The following WDR3 variants were observed in gnomAD, a reference collection of about 807,000 sequenced individuals.
The protein encoded by WDR3 is WD repeat-containing protein 3.
Under a neutral mutation model 123.7 loss-of-function variants are expected in WDR3, and 81 were observed. The observed-to-expected ratio is 0.65, with a 90% CI of 0.55 to 0.79. WDR3 has a LOEUF of 0.79. Ranked by LOEUF, WDR3 falls within the 30% of genes least tolerant of loss-of-function variation. The probability of loss-of-function intolerance (pLI) is 0.00; values close to 1 mark genes in which losing one functional copy is unlikely to be tolerated. For synonymous variants in WDR3, 390 were observed against 388.8 expected (o/e 1.00, Z -0.04); for missense variants, 1,027 against 1,123.2 (o/e 0.91, Z 1.22).
chr1:117,933,410 C>T lies in WDR3; in HGVS notation c.91C>T (p.Leu31Phe), dbSNP rs1650804583. The T allele has an allele frequency of 3.1e-6, 5 of 1,614,172 alleles. No homozygotes were observed. Among genetic ancestry groups the T allele is most frequent in the African/African-American group, 1.3e-5 (1 of 75,044 alleles). The change falls in exon 2 of 27, where the codon CTT (leucine) becomes TTT (phenylalanine). Residue 31 changes from leucine to phenylalanine, a missense_variant. Leu to Phe is a conservative substitution (Grantham distance 22). Coordinates refer to ENST00000349139, the MANE Select transcript of WDR3 (RefSeq NM_006784.3). The stretch of plus-strand genomic sequence containing the variant: ...AAAAGGTAATATTGTCTTTGTGACA[C>T]TTCGTGGTGAGAAAGGACGTTATGT... ...SQKGNIVFVTLRGEKGRYVAV... is the reference protein window; with the variant it reads ...SQKGNIVFVTFRGEKGRYVAV...
intron 6 of WDR3, 87 bp from the exon 7 acceptor site, chr1:117,940,740 C>T (rs1194166347): frequency 8.0e-7 from 1 of 1,249,370 alleles, no homozygotes; most frequent in South Asian, 1.4e-5. Context: ...ACAACAACAA[C>T]AACAACAACA....
chr1:117,949,686 T>C, intron 13 of WDR3, 65 bp from the exon 14 acceptor site: 13 of 1,537,502 alleles, frequency 8.5e-6, no homozygotes, highest in Non-Finnish European at 1.2e-5. Context: ...ACTTTTAAAA[T>C]GTATCTTCAT....
chr1:117,941,468 C>T (rs1651168495), intron 8 of WDR3, among the ~76,000 whole-genome samples: 1 of 152,066 alleles, frequency 6.6e-6, no homozygotes, highest in African/African-American at 2.4e-5. Context: ...ATTGCAATTA[C>T]TTTTGTACCA....
At chr1:117,950,605 T>G (rs1292440054) in intron 15 of WDR3, among the ~76,000 whole-genome samples, 1 of 152,134 alleles carries the variant, frequency 6.6e-6, no homozygotes, top group Non-Finnish European at 1.5e-5. Flanking sequence ...GCAGTAAGCT[T>G]CTGGGGGCTT....
Position 117,964,078 on chromosome 1 carries a change from C to A in WDR3, c.*4631C>A. 6 of 911,752 alleles carry A rather than the reference C, an allele frequency of 6.6e-6. No homozygotes were observed. The highest frequency in any genetic ancestry group is 4.9e-6 in the Non-Finnish European group (3 of 606,866). 56.5% of individuals were successfully genotyped at this position (911,752 alleles called of 1,614,324 possible). A position where few individuals can be genotyped will look rare whatever the true frequency, so the allele number is the denominator to read the frequency against. On this transcript the variant is annotated 3_prime_UTR_variant, in exon 27 of 27. Transcript: ENST00000349139. Reference sequence around the variant, plus strand: ...GGTAACTGTCTATCCAATGCAAATTCTGCATGCTCAGGCTTGGGGGTTAGA... The same window carrying A: ...GGTAACTGTCTATCCAATGCAAATTATGCATGCTCAGGCTTGGGGGTTAGA...
chr1:117,947,295 T>C (rs905797232), intron 12 of WDR3, among the ~76,000 whole-genome samples: 1 of 152,198 alleles, frequency 6.6e-6, no homozygotes, highest in African/African-American at 2.4e-5. Flanking sequence ...ATGGAGTGTT[T>C]TGAAAAGTGC....
chr1:117,936,748 T>A, intron 3 of WDR3, 21 bp from the exon 4 acceptor site: 2 of 1,548,226 alleles, frequency 1.3e-6, no homozygotes, highest in Non-Finnish European at 1.8e-6. Context: ...ATTTTTCATC[T>A]GTATTATTTG....
In WDR3 at chr1:117,933,430, T is replaced by C; in HGVS notation, c.111T>C (p.Arg37=). 2 of 1,614,062 alleles carry C rather than the reference T, an allele frequency of 1.2e-6. No individual in the cohort carries two copies. The highest frequency in any genetic ancestry group is 1.7e-6 in the Non-Finnish European group (2 of 1,180,002). ...TGACACTTCGTGGTGAGAAAGGACG[T>C]TATGTGGCAGTACCAGCTTGTGAAC... ...VFVTLRGEKG[R]YVAVPACEHV... Residue 37 remains arginine (R), a synonymous_variant, in exon 2 of 27, where the codon CGT becomes CGC. Transcript: ENST00000349139.
intron 10 of WDR3, 113 bp downstream of exon 10, chr1:117,942,657 G>A: frequency 2.2e-6 from 2 of 901,154 alleles, no homozygotes; most frequent in East Asian, 5.3e-5. Context: ...GGAGACGGTG[G>A]TCATGAGACA....
In WDR3 at chr1:117,950,065, C is replaced by A. The variant is rs1651554527; in HGVS notation, c.1681C>A (p.Gln561Lys). The change falls in exon 15 of 27, where the codon CAA (glutamine) becomes AAA (lysine). Residue 561 changes from glutamine to lysine, a missense_variant. Gln to Lys is a moderately conservative substitution (Grantham distance 53). Coordinates refer to ENST00000349139, the MANE Select transcript of WDR3 (RefSeq NM_006784.3). ...DVLCVSYSPN[Q>K]KLLAVSLLDC... is the part of the protein sequence containing the mutation. ...TCTGTGTGTCAGTTACTCTCCCAAT[C>A]AAAAGCTATTGGCTGTGTCTTTGCT... 6.2e-7 allele frequency: 1 copy of A among 1,613,826 alleles called. No individual in the cohort carries two copies. Among genetic ancestry groups the A allele is most frequent in the Non-Finnish European group, 8.5e-7 (1 of 1,179,916 alleles).
intron 2 of WDR3, among the ~76,000 whole-genome samples, chr1:117,933,914 G>A (rs530084669): frequency 2.0e-5 from 3 of 152,300 alleles, no homozygotes; most frequent in South Asian, 4.1e-4. Flanking sequence ...TGTTGTTAAA[G>A]TAGACTTTGA....
chr1:117,933,374 A>T lies in WDR3; in HGVS notation c.55A>T (p.Ile19Phe). Residue 19 changes from isoleucine (I) to phenylalanine (F), a missense_variant, in exon 2 of 27, where the codon ATC (isoleucine) becomes TTC (phenylalanine). Ile to Phe is a conservative substitution (Grantham distance 21). Coordinates refer to ENST00000349139, the MANE Select transcript of WDR3 (RefSeq NM_006784.3). Reference sequence around the variant, plus strand: ...TGTTGCTAGTGCGGTCTTTGGCGTTATCGGCAGCCAAAAAGGTAATATTGT... The same window carrying T: ...TGTTGCTAGTGCGGTCTTTGGCGTTTTCGGCAGCCAAAAAGGTAATATTGT... ...RYVASAVFGV[I>F]GSQKGNIVFV... The T allele has an allele frequency of 1.9e-6, 3 of 1,614,216 alleles. No individual in the cohort carries two copies. Among genetic ancestry groups the T allele is most frequent in the Non-Finnish European group, 2.5e-6 (3 of 1,180,032 alleles).
At position 117,933,247 on chromosome 1, in the gene WDR3, A is replaced by G. The variant is rs1650797907; in HGVS notation, c.-32-41A>G. 4.5e-6 allele frequency: 7 copies of G among 1,557,426 alleles called. No homozygotes were observed. The East Asian group carries it at 1.1e-4, about 25-fold the overall frequency. On this transcript the variant is annotated intron_variant, in intron 1 of 26. Transcript: ENST00000349139. Reference sequence around the variant, plus strand: ...GGTGTTTACTAACCTAGTAGAACCAAGGCACCCAAGGAGCTGAGTTTTCTT... The same window carrying G: ...GGTGTTTACTAACCTAGTAGAACCAGGGCACCCAAGGAGCTGAGTTTTCTT...
rs76000932 is a variant in WDR3 at position 117,964,016 on chromosome 1, A to G, written c.*4569A>G. ...TAAACCTAAATAACATTTTAGAATC[A>G]TAGAATTTCTTCTCTGGCAACATCA... On this transcript the variant is annotated 3_prime_UTR_variant, in exon 27 of 27. Coordinates refer to ENST00000349139, the MANE Select transcript of WDR3 (RefSeq NM_006784.3). 1.5e-3 allele frequency: 2,299 copies of G among 1,485,662 alleles called. 44 individuals carry two copies. The African/African-American group carries it at 0.029, about 19-fold the overall frequency. The allele number at this position is 1,485,662 out of a possible 1,614,324, so 92.0% of individuals were successfully genotyped here. A position where few individuals can be genotyped will look rare whatever the true frequency, so the allele number is the denominator to read the frequency against.
Position 117,952,985 on chromosome 1 carries a change from G to A in WDR3, c.2191G>A (p.Asp731Asn). Residue 731 changes from aspartate (D) to asparagine (N), a missense_variant, in exon 20 of 27, where the codon GAC (aspartate) becomes AAC (asparagine). Transcript: ENST00000349139. ...AEYEESVAKE[D>N]QPAVPGETQG... ...ATATGAGGAGAGTGTGGCCAAAGAA[G>A]ACCAACCAGCAGTAAGTAAATTTTG... 6.2e-7 allele frequency: 1 copy of A among 1,613,076 alleles called. No homozygotes were observed.
Position 117,963,665 on chromosome 1 carries a change from A to G in WDR3, c.*4218A>G. The stretch of plus-strand genomic sequence containing the variant: ...AGGTGTGAGCCACCGGGCCCGGCCT[A>G]AACAAATATTTTCATTCATTCAGGC... On this transcript the variant is annotated 3_prime_UTR_variant, in exon 27 of 27. Transcript: ENST00000349139. 1.2e-6 allele frequency: 1 copy of G among 836,244 alleles called. No homozygotes were observed. Among genetic ancestry groups the G allele is most frequent in the Non-Finnish European group, 1.8e-6 (1 of 561,402 alleles). The allele number at this position is 836,244 out of a possible 1,614,324, so 51.8% of individuals were successfully genotyped here. A position where few individuals can be genotyped will look rare whatever the true frequency, so the allele number is the denominator to read the frequency against.
chr1:117,953,779 T>C, intron 21 of WDR3: 1 of 605,914 alleles, frequency 1.7e-6, no homozygotes, highest in South Asian at 2.1e-5. Context: ...TCAGAGTGTC[T>C]AGATATCATC....
At chr1:117,941,051 T>C (rs973583227) in intron 7 of WDR3, 73 bp from the exon 8 acceptor site, 29 of 1,590,734 alleles carry the variant, frequency 1.8e-5, no homozygotes, top group Admixed American at 1.7e-4. Flanking sequence ...CTTGCACTTA[T>C]TAGAATTATG....
At chr1:117,938,878 G>A (rs1298319867) in intron 5 of WDR3, among the ~76,000 whole-genome samples, 4 of 152,184 alleles carry the variant, frequency 2.6e-5, no homozygotes, top group Admixed American at 1.3e-4. Flanking sequence ...CTTATTGACA[G>A]GTAAGCAGCA....
Sources: allele counts gnomAD v4.1 joint callset (sites outside exome capture counted in the v4.1 genomes callset), GRCh38; gene constraint gnomAD v4.1.1; transcripts MANE v1.5; gene names NCBI Gene and HGNC (gene_info 2026-07-23, HGNC 2026-07-21).